DIAPH3: variants seen among roughly 807,000 people sequenced by gnomAD.
DIAPH3 encodes diaphanous related formin 3.
Under a neutral mutation model 144.3 loss-of-function variants are expected in DIAPH3, and 117 were observed. The observed-to-expected ratio is 0.81, with a 90% CI of 0.70 to 0.95. DIAPH3 has a LOEUF of 0.95. Among genes scored for constraint, DIAPH3 ranks in the 40% least tolerant of loss-of-function variants. The pLI, the probability that DIAPH3 is intolerant of heterozygous loss-of-function variation, is 0.00. For missense variants in DIAPH3, 1,421 were observed against 1,412.7 expected (o/e 1.01, Z -0.09); for synonymous variants, 519 against 488.9 (o/e 1.06, Z -0.81).
chr13:59,983,703 T>G, intron 13 of DIAPH3, 66 bp downstream of exon 13: 1 of 1,103,772 alleles, frequency 9.1e-7, no homozygotes, highest in Non-Finnish European at 1.4e-6. Flanking sequence ...CGAGAACCAA[T>G]GCCCTAGAGC....
At chr13:59,853,925 T>C (rs773609325) in intron 22 of DIAPH3, among the ~76,000 whole-genome samples, 2 of 152,182 alleles carry the variant, frequency 1.3e-5, no homozygotes, top group African/African-American at 4.8e-5. Flanking sequence ...ATAGGACTTA[T>C]GCCAAAGATG....
intron 9 of DIAPH3, among the ~76,000 whole-genome samples, chr13:59,996,758 T>A (rs2052215937): frequency 6.6e-6 from 1 of 151,982 alleles, no homozygotes; most frequent in Admixed American, 6.6e-5. Context: ...TCAAAGGCCA[T>A]CTTAAGAACA....
At chr13:60,140,825 A>T (rs1382025971) in intron 1 of DIAPH3, among the ~76,000 whole-genome samples, 2 of 65,024 alleles carry the variant, frequency 3.1e-5, no homozygotes, top group Non-Finnish European at 6.5e-5. Flanking sequence ...AATCTAAAAA[A>T]CATCTAATAA....
intron 4 of DIAPH3, among the ~76,000 whole-genome samples, chr13:60,087,019 T>A (rs555131727): frequency 2.6e-5 from 4 of 152,188 alleles, no homozygotes; most frequent in African/African-American, 4.8e-5. Flanking sequence ...AACATTCACA[T>A]CCTCCCATAT....
chr13:59,827,768 A>C (rs749036340), intron 24 of DIAPH3, among the ~76,000 whole-genome samples: 12 of 152,010 alleles, frequency 7.9e-5, no homozygotes, highest in Non-Finnish European at 1.6e-4. Flanking sequence ...ATATGAATGG[A>C]AAGTGGGAAC....
At position 59,666,689 on chromosome 13, in the gene DIAPH3, A is replaced by G. The variant is rs761717869; in HGVS notation, c.3477T>C (p.Asn1159=). The change falls in exon 28 of 28, where the codon AAT becomes AAC. Residue 1159 remains asparagine (N), a synonymous_variant. Transcript: ENST00000400324. ...IKAAEKKEAC[N]VESNRKKETE... Reference sequence around the variant, plus strand: ...TTTCCTTTTTTCTGTTGCTTTCTACATTACACGCTTCCTTCTTCTCAGCTG... The same window carrying G: ...TTTCCTTTTTTCTGTTGCTTTCTACGTTACACGCTTCCTTCTTCTCAGCTG... 2.0e-5 allele frequency: 33 copies of G among 1,614,012 alleles called. No individual in the cohort carries two copies. The Admixed American group carries it at 3.7e-4, about 18-fold the overall frequency.
intron 18 of DIAPH3, among the ~76,000 whole-genome samples, chr13:59,918,646 C>G (rs1302093632): frequency 6.6e-6 from 1 of 152,136 alleles, no homozygotes; most frequent in Non-Finnish European, 1.5e-5. Flanking sequence ...CTCCCTAACA[C>G]TGCACCAACA....
intron 4 of DIAPH3, among the ~76,000 whole-genome samples, chr13:60,068,065 T>C (rs1254401599): frequency 6.6e-6 from 1 of 152,246 alleles, no homozygotes; most frequent in Non-Finnish European, 1.5e-5. Context: ...TCATTCTTTT[T>C]AATATGGGCA....
At chr13:59,938,473 G>T (rs2048363767) in intron 17 of DIAPH3, among the ~76,000 whole-genome samples, 1 of 152,136 alleles carries the variant, frequency 6.6e-6, no homozygotes, top group African/African-American at 2.4e-5. Context: ...GCTGGGCATA[G>T]TGGTATGTAC....
Position 60,042,794 on chromosome 13 carries a change from G to A in DIAPH3, c.522C>T (p.Ile174=), listed in dbSNP as rs776053134. ...GCTCATGAATGAATTCCTGAGGTGA[G>A]ATCTGTCGGCTTCTCTTAAGACTTC... is the stretch of plus-strand genomic sequence containing the variant. ...KTGSLKRSRQ[I]SPQEFIHELK... Residue 174 remains isoleucine, a synonymous_variant, in exon 5 of 28, where the codon ATC becomes ATT. Transcript: ENST00000400324. The A allele has an allele frequency of 3.7e-6, 6 of 1,613,620 alleles. No homozygotes were observed. In the South Asian group the frequency reaches 4.4e-5, roughly 12 times the overall value.
At chr13:59,692,415 C>G (rs1220469703) in intron 27 of DIAPH3, among the ~76,000 whole-genome samples, 1 of 150,700 alleles carries the variant, frequency 6.6e-6, no homozygotes, top group Non-Finnish European at 1.5e-5. Context: ...CCCAACCCCC[C>G]CATCCCCCGA....
chr13:60,117,000 CT>C (rs760471380), intron 2 of DIAPH3, among the ~76,000 whole-genome samples: 3 of 152,078 alleles, frequency 2.0e-5, no homozygotes, highest in Admixed American at 1.3e-4. Context: ...CTCCAAAACA[CT>C]TTTGTACCTA....
intron 25 of DIAPH3, among the ~76,000 whole-genome samples, chr13:59,802,432 T>A (rs1373389406): frequency 6.6e-6 from 1 of 151,374 alleles, no homozygotes; most frequent in African/African-American, 2.4e-5. Flanking sequence ...TTAATTAATT[T>A]ACTTATCAAT....
chr13:59,865,953 A>G (rs182617283), intron 21 of DIAPH3, among the ~76,000 whole-genome samples: 72 of 152,082 alleles, frequency 4.7e-4, no homozygotes, highest in Admixed American at 4.2e-3. Context: ...TATCACATTA[A>G]TAACTCTACT....
At chr13:60,081,447 T>C (rs2137808010) in intron 4 of DIAPH3, among the ~76,000 whole-genome samples, 1 of 152,118 alleles carries the variant, frequency 6.6e-6, no homozygotes, top group South Asian at 2.1e-4. Flanking sequence ...CTGAATTGTT[T>C]TTTAACCAAA....
rs35898598 is a variant in DIAPH3, at chr13:59,822,271, A to T, written c.3027+10836T>A. 4.9e-3 allele frequency among the ~76,000 whole-genome samples: 744 copies of T among 152,244 alleles called. 3 individuals are homozygous for T. Among genetic ancestry groups the T allele is most frequent in the Non-Finnish European group, 4.8e-3 (325 of 68,018 alleles). ...AATATTATTTTTATCTCCCAATTAC[A>T]AAGCTAAATACAAGCACAAGTCGCT... is the stretch of plus-strand genomic sequence containing the variant. On this transcript the variant is annotated intron_variant, in intron 24 of 27. Transcript: ENST00000400324.
intron 5 of DIAPH3, among the ~76,000 whole-genome samples, chr13:60,032,439 C>T (rs79940443): frequency 0.02 from 3,082 of 152,274 alleles, 81 homozygotes; most frequent in East Asian, 0.1. Context: ...AAAATCTAGG[C>T]GGAGGCTACC....
At chr13:59,669,710 A>G (rs956484103) in intron 27 of DIAPH3, among the ~76,000 whole-genome samples, 8 of 152,094 alleles carry the variant, frequency 5.3e-5, no homozygotes, top group Admixed American at 5.2e-4. Context: ...TCTAATAATC[A>G]TAAATTTATG....
chr13:59,905,642 A>T (rs2046695264), intron 20 of DIAPH3, among the ~76,000 whole-genome samples: 1 of 152,182 alleles, frequency 6.6e-6, no homozygotes, highest in Non-Finnish European at 1.5e-5. Context: ...GAGACTTTGC[A>T]GATGTCATTA....
Sources: allele counts gnomAD v4.1 joint callset (sites outside exome capture counted in the v4.1 genomes callset), GRCh38; gene constraint gnomAD v4.1.1; transcripts MANE v1.5; gene names NCBI Gene and HGNC (gene_info 2026-07-23, HGNC 2026-07-21).